DPP6: variants seen among roughly 807,000 people sequenced by gnomAD.
The protein encoded by DPP6 is A-type potassium channel modulatory protein DPP6.
In DPP6, 69 loss-of-function variants were observed where a neutral mutation model predicts 122.6. That is an observed-to-expected ratio of 0.56 (90% CI 0.46 to 0.69). The LOEUF (loss-of-function observed/expected upper bound fraction) is 0.69. Ranked by LOEUF, DPP6 falls within the 30% of genes least tolerant of loss-of-function variation. The pLI, the probability that DPP6 is intolerant of heterozygous loss-of-function variation, is 0.00. For missense variants in DPP6, 928 were observed against 1,116.9 expected, an observed-to-expected ratio of 0.83 and a Z score of 2.41; for synonymous variants, 418 against 433.1, an observed-to-expected ratio of 0.97 and a Z score of 0.43.
intron 1 of DPP6, among the ~76,000 whole-genome samples, chr7:153,994,158 T>C (rs1398604236): frequency 6.6e-6 from 1 of 151,426 alleles, no homozygotes; most frequent in Non-Finnish European, 1.5e-5. Flanking sequence ...TCCCAATTCA[T>C]GTGTATTTCA....
At chr7:154,466,442 G>A (rs963448285) in intron 2 of DPP6, among the ~76,000 whole-genome samples, 15 of 152,200 alleles carry the variant, frequency 9.9e-5, no homozygotes, top group African/African-American at 3.4e-4. Flanking sequence ...TTGGTTTATG[G>A]TGAAGTCTCC....
intron 16 of DPP6, among the ~76,000 whole-genome samples, chr7:154,834,732 C>T (rs554877554): frequency 3.5e-4 from 54 of 152,300 alleles, no homozygotes; most frequent in Non-Finnish European, 5.4e-4. Flanking sequence ...GTGATGTTCA[C>T]GGCAAAGAAG....
intron 10 of DPP6, among the ~76,000 whole-genome samples, chr7:154,780,960 A>G (rs149571823): frequency 1.3e-5 from 2 of 152,070 alleles, no homozygotes; most frequent in African/African-American, 4.8e-5. Context: ...TAATGAATGG[A>G]TGGGTGGATG....
chr7:154,638,324 T>C (rs73165049), intron 6 of DPP6, among the ~76,000 whole-genome samples: 2,392 of 152,306 alleles, frequency 0.016, 24 homozygotes, highest in Middle Eastern at 0.068. Flanking sequence ...AACATATCTA[T>C]GGGATTACGG....
chr7:154,086,870 G>A (rs1296494770), intron 1 of DPP6, among the ~76,000 whole-genome samples: 2 of 152,116 alleles, frequency 1.3e-5, no homozygotes, highest in Non-Finnish European at 2.9e-5. Flanking sequence ...ACCTGCCTTG[G>A]CCTCCTAAAG....
chr7:154,299,441 G>A (rs1395487052), intron 1 of DPP6, among the ~76,000 whole-genome samples: 1 of 152,234 alleles, frequency 6.6e-6, no homozygotes, highest in Non-Finnish European at 1.5e-5. Flanking sequence ...CTGGTCCTCA[G>A]GCCAGAAAAC....
At chr7:154,623,634 T>TGC in intron 5 of DPP6, among the ~76,000 whole-genome samples, 1 of 104,080 alleles carries the variant, frequency 9.6e-6, no homozygotes, top group African/African-American at 3.6e-5. Context: ...CACACATGCG[T>TGC]GCACACACGC....
chr7:154,331,814 A>T (rs956316934), intron 1 of DPP6, among the ~76,000 whole-genome samples: 3 of 152,312 alleles, frequency 2.0e-5, no homozygotes, highest in Admixed American at 6.5e-5. Flanking sequence ...TCAGGGTCGT[A>T]AAAACACTCT....
the DPP6 span, among the ~76,000 whole-genome samples, chr7:153,770,429 T>C: frequency 6.6e-6 from 1 of 151,854 alleles, no homozygotes; most frequent in Non-Finnish European, 1.5e-5. Context: ...TACTGATAAA[T>C]CTGAGGCCAG....
chr7:154,519,671 A>T (rs1826813768), intron 3 of DPP6, among the ~76,000 whole-genome samples: 1 of 152,210 alleles, frequency 6.6e-6, no homozygotes, highest in African/African-American at 2.4e-5. Flanking sequence ...TCTCTGTATA[A>T]GACACTGGCC....
chr7:154,033,703 T>C (rs927457882), intron 1 of DPP6, among the ~76,000 whole-genome samples: 4 of 152,198 alleles, frequency 2.6e-5, no homozygotes, highest in African/African-American at 9.7e-5. Flanking sequence ...ATTCCATGGT[T>C]GATTAGTTTT....
At chr7:154,448,246 C>T (rs748709510) in intron 2 of DPP6, among the ~76,000 whole-genome samples, 2 of 152,084 alleles carry the variant, frequency 1.3e-5, no homozygotes, top group African/African-American at 2.4e-5. Context: ...AGATTTCAGA[C>T]CAAAATGCAA....
chr7:154,451,185 A>AC (rs1820335059), intron 2 of DPP6, among the ~76,000 whole-genome samples: 1 of 151,998 alleles, frequency 6.6e-6, no homozygotes, highest in South Asian at 2.1e-4. Context: ...ACACAGTGAA[A>AC]CCCCATCTCT....
At chr7:154,685,871 G>A (rs1433410070) in intron 7 of DPP6, among the ~76,000 whole-genome samples, 2 of 152,108 alleles carry the variant, frequency 1.3e-5, no homozygotes, top group African/African-American at 4.8e-5. Flanking sequence ...AGAAGTCATT[G>A]TCCAAATCAT....
chr7:154,558,353 A>G (rs1447363287), intron 4 of DPP6, among the ~76,000 whole-genome samples: 1 of 152,224 alleles, frequency 6.6e-6, no homozygotes. Context: ...ACTCTGTTAG[A>G]TGAAGTATTC....
At chr7:154,226,074 G>C (rs539494053) in intron 1 of DPP6, among the ~76,000 whole-genome samples, 1 of 152,132 alleles carries the variant, frequency 6.6e-6, no homozygotes, top group Non-Finnish European at 1.5e-5. Flanking sequence ...CTGATGACAC[G>C]ATGCTGAACC....
At position 154,580,547 on chromosome 7, in the gene DPP6, A is replaced by G. The variant is rs1218541452; in HGVS notation, c.627+13631A>G. Among the ~76,000 whole-genome samples, 3 of 152,118 alleles carry G rather than the reference A, an allele frequency of 2.0e-5. No individual in the cohort carries two copies. The East Asian group carries it at 5.8e-4, about 29-fold the overall frequency. ...CTGCCGTTAGAGCCTGAGGGGTCCA[A>G]GGGAGTCAGTCTGCCCCCGTGAGTC... On this transcript the variant is annotated intron_variant, in intron 5 of 25. Transcript: ENST00000377770.
At position 154,446,224 on chromosome 7, in the gene DPP6, G is replaced by A. The variant is rs1378942164; in HGVS notation, c.254G>A (p.Gly85Glu). 1.9e-6 allele frequency: 3 copies of A among 1,601,566 alleles called. No individual in the cohort carries two copies. Among genetic ancestry groups the A allele is most frequent in the African/African-American group, 2.7e-5 (2 of 74,416 alleles). The change falls in exon 2 of 26, where the codon GGG (glycine) becomes GAG (glutamate). Residue 85 changes from glycine (G) to glutamate (E), a missense_variant. Transcript: ENST00000377770. ...TGTTGCTGTTTTTAGGAGCTGGTGGGGAGTAACCCTCCGCAGAGGAATTGG... is the reference window on the plus strand; with the variant it reads ...TGTTGCTGTTTTTAGGAGCTGGTGGAGAGTAACCCTCCGCAGAGGAATTGG... Reference protein sequence around the residue: ...SDGDEEDELVGSNPPQRNWKG... With the variant: ...SDGDEEDELVESNPPQRNWKG...
intron 10 of DPP6, among the ~76,000 whole-genome samples, chr7:154,792,246 C>T (rs562015721): frequency 1.3e-5 from 2 of 152,360 alleles, no homozygotes; most frequent in East Asian, 3.9e-4. Flanking sequence ...AACCACAGGC[C>T]CCATGTGGCT....
Sources: allele counts gnomAD v4.1 joint callset (sites outside exome capture counted in the v4.1 genomes callset), GRCh38; gene constraint gnomAD v4.1.1; transcripts MANE v1.5; gene names NCBI Gene and HGNC (gene_info 2026-07-23, HGNC 2026-07-21).